RBM20: variants seen among roughly 807,000 people sequenced by gnomAD.
RBM20 encodes the protein RNA binding motif protein 20, also known as RNA-binding protein 20.
In RBM20, 51 loss-of-function variants were observed where a neutral mutation model predicts 110.1. The observed-to-expected ratio is 0.46, with a 90% CI of 0.37 to 0.59. RBM20 has a LOEUF of 0.59. Ranked by LOEUF, RBM20 falls within the 20% of genes least tolerant of loss-of-function variation. The pLI is 0.00. For missense variants in RBM20, 1,512 were observed against 1,574.9 expected, an observed-to-expected ratio of 0.96 and a Z score of 0.68; for synonymous variants, 589 against 618.2, an observed-to-expected ratio of 0.95 and a Z score of 0.70.
intron 9 of RBM20, 109 bp from the exon 10 acceptor site, chr10:110,819,963 A>T (rs1844886933): frequency 3.2e-6 from 2 of 628,882 alleles, no homozygotes; most frequent in Non-Finnish European, 5.4e-6. Flanking sequence ...GAAATGCTGT[A>T]TGTGAAACCT....
intron 6 of RBM20, among the ~76,000 whole-genome samples, chr10:110,797,860 G>A (rs1370642093): frequency 2.6e-5 from 4 of 152,172 alleles, no homozygotes; most frequent in Admixed American, 6.5e-5. Context: ...ACAGGCCTTT[G>A]TGAATTGCCT....
chr10:110,764,492 G>A (rs746114838), intron 1 of RBM20, among the ~76,000 whole-genome samples: 28 of 152,180 alleles, frequency 1.8e-4, no homozygotes, highest in Non-Finnish European at 3.4e-4. Context: ...CATAAACATC[G>A]ACTGATATTG....
chr10:110,707,294 G>T (rs1251077869), intron 1 of RBM20, among the ~76,000 whole-genome samples: 1 of 152,138 alleles, frequency 6.6e-6, no homozygotes, highest in African/African-American at 2.4e-5. Flanking sequence ...TGGAGCTTAA[G>T]ATTTTATTTT....
chr10:110,763,515 A>G (rs1219875735), intron 1 of RBM20, among the ~76,000 whole-genome samples: 1 of 152,214 alleles, frequency 6.6e-6, no homozygotes, highest in Non-Finnish European at 1.5e-5. Flanking sequence ...TGCTTTGCAT[A>G]ACCTGACAAT....
At chr10:110,705,568 A>G (rs908148651) in intron 1 of RBM20, among the ~76,000 whole-genome samples, 3 of 152,270 alleles carry the variant, frequency 2.0e-5, no homozygotes, top group Admixed American at 2.0e-4. Flanking sequence ...CTGTGTGTGT[A>G]GGTGAGTCTG....
chr10:110,762,760 G>A (rs1310684924), intron 1 of RBM20, among the ~76,000 whole-genome samples: 1 of 152,206 alleles, frequency 6.6e-6, no homozygotes, highest in Non-Finnish European at 1.5e-5. Flanking sequence ...CTCCCACAAT[G>A]GCAGACAGGA....
At chr10:110,808,173 C>T (rs1844719449) in intron 7 of RBM20, among the ~76,000 whole-genome samples, 1 of 152,256 alleles carries the variant, frequency 6.6e-6, no homozygotes, top group Admixed American at 6.5e-5. Context: ...CAAGTGCAGT[C>T]AGCTCCAAGT....
chr10:110,768,217 G>A (rs777510239), intron 1 of RBM20, among the ~76,000 whole-genome samples: 6 of 151,334 alleles, frequency 4.0e-5, no homozygotes, highest in South Asian at 2.1e-4. Flanking sequence ...GAGGTAGACC[G>A]TGGAAAGAGG....
At position 110,781,848 on chromosome 10, in the gene RBM20, C is replaced by A. The variant is rs1844356909; in HGVS notation, c.1239C>A (p.Ile413=). 6.4e-7 allele frequency: 1 copy of A among 1,551,644 alleles called. No individual in the cohort carries two copies. Among genetic ancestry groups the A allele is most frequent in the African/African-American group, 1.4e-5 (1 of 73,062 alleles). Residue 413 remains isoleucine (I), a synonymous_variant, in exon 2 of 14, where the codon ATC becomes ATA. Coordinates refer to ENST00000369519, the MANE Select transcript of RBM20 (RefSeq NM_001134363.3). The stretch of plus-strand genomic sequence containing the variant: ...TGGCCCCCCTCCACTTGCCGCATAT[C>A]TGTAGCATCTGTGACAAGAAGGTGT... ...HGVAPLHLPH[I]CSICDKKVFD...
chr10:110,722,936 ACT>A (rs1469773033), intron 1 of RBM20, among the ~76,000 whole-genome samples: 4 of 151,964 alleles, frequency 2.6e-5, no homozygotes, highest in African/African-American at 9.7e-5. Context: ...AAAAGGCAAA[ACT>A]CTGTCTCTAC....
intron 1 of RBM20, among the ~76,000 whole-genome samples, chr10:110,721,680 G>A (rs1349813021): frequency 1.3e-5 from 2 of 152,136 alleles, no homozygotes; most frequent in East Asian, 1.9e-4. Context: ...GGTTCTGCTT[G>A]TGAAAGTGTC....
chr10:110,770,867 C>G (rs758929874), intron 1 of RBM20, among the ~76,000 whole-genome samples: 12 of 152,236 alleles, frequency 7.9e-5, no homozygotes, highest in Non-Finnish European at 1.5e-4. Context: ...GAGGCACACA[C>G]TGAAATTGCA....
chr10:110,679,927 C>T (rs1213597111), intron 1 of RBM20, among the ~76,000 whole-genome samples: 5 of 152,344 alleles, frequency 3.3e-5, no homozygotes, highest in South Asian at 2.1e-4. Flanking sequence ...GTGCCAGAGA[C>T]GGTCGGCGGG....
At chr10:110,709,349 A>G (rs1191583297) in intron 1 of RBM20, among the ~76,000 whole-genome samples, 2 of 151,800 alleles carry the variant, frequency 1.3e-5, no homozygotes, top group South Asian at 2.1e-4. Flanking sequence ...GGAGAGGGCA[A>G]CCCCGCAGGC....
At chr10:110,813,045 C>A in intron 9 of RBM20, 98 bp downstream of exon 9, 1 of 849,152 alleles carries the variant, frequency 1.2e-6, no homozygotes, top group Non-Finnish European at 1.7e-6. Context: ...AATGAATGAA[C>A]ATTTACTGGC....
chr10:110,800,518 T>A (rs1048020229), intron 7 of RBM20, among the ~76,000 whole-genome samples: 3 of 152,178 alleles, frequency 2.0e-5, no homozygotes, highest in Non-Finnish European at 4.4e-5. Context: ...CACAGAAAAA[T>A]GGCTGATTAT....
chr10:110,711,959 T>G (rs1229319394), intron 1 of RBM20, among the ~76,000 whole-genome samples: 3 of 152,180 alleles, frequency 2.0e-5, no homozygotes, highest in Admixed American at 1.3e-4. Context: ...TGATCTACAG[T>G]GGGAAAGTGC....
chr10:110,651,092 G>A (rs1455092078), intron 1 of RBM20, among the ~76,000 whole-genome samples: 1 of 152,210 alleles, frequency 6.6e-6, no homozygotes, highest in African/African-American at 2.4e-5. Context: ...GATTGGAAAT[G>A]ATCAATTGCA....
intron 1 of RBM20, among the ~76,000 whole-genome samples, chr10:110,713,561 C>T (rs1862970989): frequency 6.6e-6 from 1 of 152,170 alleles, no homozygotes; most frequent in Non-Finnish European, 1.5e-5. Context: ...TTCAGTACTG[C>T]AACTGGGTTT....
Sources: gnomAD v4.1 joint callset for allele counts (sites outside exome capture counted in the v4.1 genomes callset) on GRCh38, gnomAD v4.1.1 for gene constraint, MANE v1.5 for transcripts, NCBI Gene and HGNC (gene_info 2026-07-23, HGNC 2026-07-21) for gene names.